FILIP1: variants seen among roughly 807,000 people sequenced by gnomAD.
FILIP1 encodes the protein filamin A interacting protein 1, also known as filamin-A-interacting protein 1.
A neutral mutation model predicts 102.1 loss-of-function variants in FILIP1; 61 were observed. The ratio of observed to expected loss-of-function variants is 0.60; its 90% CI spans 0.49 to 0.74. The LOEUF (loss-of-function observed/expected upper bound fraction) is 0.74, where lower values mean the gene tolerates loss of function less well. FILIP1 is among the 30% of genes least tolerant of loss of function. FILIP1 has a pLI of 0.00. For missense variants in FILIP1, 1,314 were observed against 1,441.2 expected (o/e 0.91, Z 1.43); for synonymous variants, 491 against 526.9 (o/e 0.93, Z 0.93).
At chr6:75,345,714 T>A (rs1393150356) in intron 4 of FILIP1, among the ~76,000 whole-genome samples, 1 of 152,080 alleles carries the variant, frequency 6.6e-6, no homozygotes, top group Non-Finnish European at 1.5e-5. Flanking sequence ...TGGTCAGCCG[T>A]CTTTTCCTTT....
Position 75,308,398 on chromosome 6 carries a change from T to A in FILIP1, c.*293A>T. 1 of 1,142,558 alleles carries A rather than the reference T, an allele frequency of 8.8e-7. No individual in the cohort carries two copies. The highest frequency in any genetic ancestry group is 1.1e-6 in the Non-Finnish European group (1 of 909,610). The allele number at this position is 1,142,558 out of a possible 1,614,324, so 70.8% of individuals were successfully genotyped here. On this transcript the variant is annotated 3_prime_UTR_variant, in exon 6 of 6. Transcript: ENST00000237172. ...TGATTGAGTCCCCACATCTAACTGA[T>A]GAGGAAACAGGCTCAGATGGGTCTA...
intron 4 of FILIP1, among the ~76,000 whole-genome samples, chr6:75,328,570 C>T (rs1327415558): frequency 6.6e-6 from 1 of 152,182 alleles, no homozygotes; most frequent in Non-Finnish European, 1.5e-5. Flanking sequence ...CTCACTGCAA[C>T]TTCGGCCTCC....
chr6:75,372,085 G>C (rs528749708), intron 2 of FILIP1, among the ~76,000 whole-genome samples: 4 of 152,028 alleles, frequency 2.6e-5, no homozygotes, highest in Non-Finnish European at 5.9e-5. Flanking sequence ...TCCAGAGGCC[G>C]GGTGCAGTGG....
At chr6:75,352,419 T>C (rs1774838739) in intron 4 of FILIP1, among the ~76,000 whole-genome samples, 1 of 152,100 alleles carries the variant, frequency 6.6e-6, no homozygotes, top group South Asian at 2.1e-4. Context: ...ATTTAAAAGA[T>C]ACTGGGAAAA....
intron 2 of FILIP1, among the ~76,000 whole-genome samples, chr6:75,394,154 C>T (rs140804217): frequency 2.6e-4 from 39 of 152,310 alleles, no homozygotes; most frequent in African/African-American, 8.4e-4. Context: ...AGGCTTCTAA[C>T]ATCTGTGTAA....
intron 2 of FILIP1, among the ~76,000 whole-genome samples, chr6:75,387,971 G>C (rs932494488): frequency 1.1e-4 from 16 of 152,112 alleles, no homozygotes; most frequent in Non-Finnish European, 2.1e-4. Flanking sequence ...CCTATGTCCT[G>C]AATGGTATTG....
chr6:75,453,360 T>C (rs999283650), intron 1 of FILIP1, among the ~76,000 whole-genome samples: 2 of 152,248 alleles, frequency 1.3e-5, no homozygotes, highest in Non-Finnish European at 2.9e-5. Flanking sequence ...GAGATTTTGA[T>C]GCTTCAACTA....
Position 75,320,092 on chromosome 6 carries a change from T to C in FILIP1, c.630-4890A>G, listed in dbSNP as rs115112425. ...TTACTGCAATGGCTGTCCCAACTTA[T>C]AATTTTTTTAATGTCTGCCTACCTC... On this transcript the variant is annotated intron_variant, in intron 4 of 5. Transcript: ENST00000237172. 6.2e-3 allele frequency: 1,275 copies of C among 205,728 alleles called. 11 individuals are homozygous for C. The highest frequency in any genetic ancestry group is 0.016 in the Middle Eastern group (8 of 490). 12.7% of individuals were successfully genotyped at this position (205,728 alleles called of 1,614,324 possible). A position where few individuals can be genotyped will look rare whatever the true frequency, so the allele number is the denominator to read the frequency against.
chr6:75,348,702 C>A (rs73453762), intron 4 of FILIP1, among the ~76,000 whole-genome samples: 1,696 of 152,228 alleles, frequency 0.011, 37 homozygotes, highest in African/African-American at 0.039. Context: ...TTATTAAGCG[C>A]CCCCATAAAC....
chr6:75,430,155 C>T (rs997456150), intron 1 of FILIP1, among the ~76,000 whole-genome samples: 3 of 152,126 alleles, frequency 2.0e-5, no homozygotes, highest in African/African-American at 4.8e-5. Flanking sequence ...AGGGGCTCTT[C>T]CCCCTTCACT....
rs59797690 is a variant in FILIP1 at position 75,397,537 on chromosome 6, G to GACAC, written c.276+17156_276+17159dup. On this transcript the variant is annotated intron_variant, in intron 2 of 5. Transcript: ENST00000237172. ...TTTTACATAACATATACACATATAA[G>GACAC]ACACACACACACACACACACACACA... is the stretch of plus-strand genomic sequence containing the variant. Among the ~76,000 whole-genome samples the GACAC allele has an allele frequency of 3.9e-3, 537 of 139,064 alleles. 3 individuals are homozygous for GACAC. The highest frequency in any genetic ancestry group is 0.011 in the Middle Eastern group (3 of 276). The allele number at this position is 139,064 out of a possible 152,430, so 91.2% of individuals were successfully genotyped here.
chr6:75,385,841 AT>A (rs10716918), intron 2 of FILIP1, among the ~76,000 whole-genome samples: 7,602 of 140,718 alleles, frequency 0.054, 422 homozygotes, highest in African/African-American at 0.14. Context: ...GCCCCTTAGG[AT>A]TTTTTTTTTT....
chr6:75,330,269 G>C (rs1242447529), intron 4 of FILIP1, among the ~76,000 whole-genome samples: 1 of 152,136 alleles, frequency 6.6e-6, no homozygotes, highest in Non-Finnish European at 1.5e-5. Flanking sequence ...TCTGATTTCT[G>C]AGTGCCAGAG....
intron 1 of FILIP1, among the ~76,000 whole-genome samples, chr6:75,484,029 T>C (rs1779717470): frequency 1.3e-5 from 2 of 152,196 alleles, no homozygotes; most frequent in African/African-American, 4.8e-5. Flanking sequence ...GATTGTGTGA[T>C]AGAAAAAAGT....
chr6:75,420,398 A>C (rs1777417736), intron 1 of FILIP1, among the ~76,000 whole-genome samples: 1 of 152,150 alleles, frequency 6.6e-6, no homozygotes, highest in South Asian at 2.1e-4. Context: ...TTTGAGTTTT[A>C]AACTTTGAAT....
intron 1 of FILIP1, among the ~76,000 whole-genome samples, chr6:75,449,817 T>A (rs1778562372): frequency 6.6e-6 from 1 of 152,218 alleles, no homozygotes; most frequent in Non-Finnish European, 1.5e-5. Flanking sequence ...TTGAAAATAA[T>A]CAGTGGAATC....
intron 1 of FILIP1, among the ~76,000 whole-genome samples, chr6:75,481,118 A>C (rs560322633): frequency 6.6e-6 from 1 of 152,150 alleles, no homozygotes; most frequent in African/African-American, 2.4e-5. Context: ...TGGACCAATC[A>C]CTGACCATCC....
chr6:75,384,907 G>A (rs1036566098), intron 2 of FILIP1: 5 of 148,098 alleles, frequency 3.4e-5, no homozygotes, highest in South Asian at 2.1e-4. Context: ...TGATCCCCGC[G>A]CCTCAGCCTC....
At chr6:75,481,165 T>TA (rs1308507421) in intron 1 of FILIP1, among the ~76,000 whole-genome samples, 1 of 152,170 alleles carries the variant, frequency 6.6e-6, no homozygotes, top group Non-Finnish European at 1.5e-5. Flanking sequence ...GTGGTCTCAC[T>TA]AAACCATTTA....
Sources: allele counts gnomAD v4.1 joint callset (sites outside exome capture counted in the v4.1 genomes callset), GRCh38; gene constraint gnomAD v4.1.1; transcripts MANE v1.5; gene names NCBI Gene and HGNC (gene_info 2026-07-23, HGNC 2026-07-21).